The following FMN1 variants were observed in gnomAD, a reference collection of about 807,000 sequenced individuals.
FMN1 encodes the protein formin-1.
In FMN1, 110 loss-of-function variants were observed where a neutral mutation model predicts 132.4. The ratio of observed to expected loss-of-function variants is 0.83; its 90% confidence interval spans 0.71 to 0.97. FMN1 has a LOEUF of 0.97. Among genes scored for constraint, FMN1 ranks in the 50% least tolerant of loss-of-function variants. The probability of loss-of-function intolerance (pLI) is 0.00; values close to 1 mark genes in which losing one functional copy is unlikely to be tolerated. For synonymous variants in FMN1, 722 were observed against 651.7 expected, an observed-to-expected ratio of 1.11 and a Z score of -1.64; for missense variants, 1,792 against 1,705.3, an observed-to-expected ratio of 1.05 and a Z score of -0.90.
intron 17 of FMN1, among the ~76,000 whole-genome samples, chr15:32,826,160 C>A (rs1029644475): frequency 6.6e-6 from 1 of 152,188 alleles, no homozygotes; most frequent in Non-Finnish European, 1.5e-5. Flanking sequence ...CAGTGGGGTC[C>A]CTAGAGTGTT....
At chr15:33,116,317 A>G (rs1428597690) in intron 4 of FMN1, among the ~76,000 whole-genome samples, 5 of 152,190 alleles carry the variant, frequency 3.3e-5, no homozygotes, top group Admixed American at 3.3e-4. Context: ...TGCTTCATCC[A>G]AGGACAAGCT....
intron 2 of FMN1, among the ~76,000 whole-genome samples, chr15:33,185,024 G>A (rs1201477811): frequency 6.6e-6 from 1 of 152,158 alleles, no homozygotes; most frequent in Non-Finnish European, 1.5e-5. Context: ...CACGATACCA[G>A]ACTATGTCTA....
At chr15:32,927,544 C>T (rs1013191895) in intron 9 of FMN1, among the ~76,000 whole-genome samples, 1 of 152,206 alleles carries the variant, frequency 6.6e-6, no homozygotes, top group Non-Finnish European at 1.5e-5. Context: ...TAGGTGTGAG[C>T]CACCACACTT....
At chr15:32,942,251 G>A (rs1206113167) in intron 9 of FMN1, among the ~76,000 whole-genome samples, 2 of 152,150 alleles carry the variant, frequency 1.3e-5, no homozygotes, top group African/African-American at 2.4e-5. Context: ...TCACATATGT[G>A]AATTTTTTTA....
intron 4 of FMN1, among the ~76,000 whole-genome samples, chr15:33,121,514 T>C (rs535937339): frequency 1.3e-5 from 2 of 152,242 alleles, no homozygotes; most frequent in South Asian, 4.2e-4. Flanking sequence ...AAGTACATAG[T>C]TGACAAGTTG....
At chr15:33,021,035 G>GT (rs1420169305) in intron 6 of FMN1, among the ~76,000 whole-genome samples, 1 of 152,194 alleles carries the variant, frequency 6.6e-6, no homozygotes, top group African/African-American at 2.4e-5. Flanking sequence ...CTGACGTGAT[G>GT]TAAGGAGGGA....
chr15:32,896,589 G>C (rs347927), intron 15 of FMN1, among the ~76,000 whole-genome samples: 97,489 of 151,954 alleles, frequency 0.64, 32,817 homozygotes, highest in African/African-American at 0.86. Flanking sequence ...CCCCATTCCC[G>C]CATCATTCAT....
At chr15:32,933,394 C>A (rs113379121) in intron 9 of FMN1, among the ~76,000 whole-genome samples, 5 of 152,130 alleles carry the variant, frequency 3.3e-5, no homozygotes, top group East Asian at 1.9e-4. Context: ...TCTGACATAA[C>A]GTGTGACTTA....
At position 32,860,147 on chromosome 15, in the gene FMN1, AGAG is replaced by A. The variant is rs1426575910; in HGVS notation, c.3836-3043_3836-3041del. 4.7e-5 allele frequency among the ~76,000 whole-genome samples: 5 copies of A among 105,520 alleles called. No homozygotes were observed. The Admixed American group carries it at 4.9e-4, about 10-fold the overall frequency. The allele number at this position is 105,520 out of a possible 152,430, so 69.2% of individuals were successfully genotyped here. ...GAGAGAGACAAAGAGAGAAAGAAAA[AGAG>A]GAAGGAAGGAAGGAAAAGGAAAAAA... On this transcript the variant is annotated intron_variant, in intron 16 of 20. Transcript: ENST00000616417.
intron 13 of FMN1, among the ~76,000 whole-genome samples, chr15:32,901,133 A>G (rs999380109): frequency 6.6e-6 from 1 of 152,084 alleles, no homozygotes; most frequent in Non-Finnish European, 1.5e-5. Context: ...CAGCCTGGGC[A>G]AGAAGAATGA....
At chr15:32,919,648 GCACT>G (rs2060772393) in intron 10 of FMN1, among the ~76,000 whole-genome samples, 1 of 152,056 alleles carries the variant, frequency 6.6e-6, no homozygotes, top group Admixed American at 6.5e-5. Flanking sequence ...TGAGAAACAT[GCACT>G]CAAACTTTTT....
chr15:33,156,284 T>G lies in FMN1; in HGVS notation c.-131-1239A>C, dbSNP rs932160700. 3.9e-3 allele frequency among the ~76,000 whole-genome samples: 572 copies of G among 148,238 alleles called. 9 individuals are homozygous for G. Among genetic ancestry groups the G allele is most frequent in the African/African-American group, 0.014 (545 of 40,114 alleles). On this transcript the variant is annotated intron_variant, in intron 3 of 20. Coordinates refer to ENST00000616417, the MANE Select transcript of FMN1 (RefSeq NM_001277313.2). Reference sequence around the variant, plus strand: ...TTCTCACTCAAGTAGTTTTTTTTTTTTTTTTTTTTTTTTTTAGATGGGTTC... The same window carrying G: ...TTCTCACTCAAGTAGTTTTTTTTTTGTTTTTTTTTTTTTTTAGATGGGTTC...
intron 4 of FMN1, among the ~76,000 whole-genome samples, chr15:33,112,805 T>C (rs535519822): frequency 6.6e-6 from 1 of 152,168 alleles, no homozygotes; most frequent in South Asian, 2.1e-4. Flanking sequence ...GTGGTGTGGG[T>C]AAATGGCAAG....
intron 10 of FMN1, among the ~76,000 whole-genome samples, chr15:32,919,286 G>A (rs2060761649): frequency 1.3e-5 from 2 of 152,194 alleles, no homozygotes; most frequent in African/African-American, 4.8e-5. Flanking sequence ...ATCAACAATA[G>A]GAAAATGGTA....
chr15:33,117,935 G>C (rs551460873), intron 4 of FMN1, among the ~76,000 whole-genome samples: 1 of 152,090 alleles, frequency 6.6e-6, no homozygotes, highest in Admixed American at 6.6e-5. Flanking sequence ...GTGGCAGTAC[G>C]GAAGAGAAAT....
intron 6 of FMN1, among the ~76,000 whole-genome samples, chr15:33,033,037 G>GT (rs1351329328): frequency 1.3e-5 from 2 of 152,062 alleles, no homozygotes; most frequent in Non-Finnish European, 2.9e-5. Flanking sequence ...GTTTTCGTTT[G>GT]TTTTTTGTTT....
intron 9 of FMN1, among the ~76,000 whole-genome samples, chr15:32,961,133 C>G (rs1199384946): frequency 6.7e-6 from 1 of 149,142 alleles, no homozygotes; most frequent in Admixed American, 6.7e-5. Flanking sequence ...AGATATTGTT[C>G]ATCTTTTTTT....
intron 4 of FMN1, among the ~76,000 whole-genome samples, chr15:33,128,816 A>C (rs369140570): frequency 5.4e-4 from 83 of 152,338 alleles, no homozygotes; most frequent in African/African-American, 1.8e-3. Flanking sequence ...TCACGAGCAA[A>C]ATAACAAAGC....
rs12324752 is a variant in FMN1, at chr15:32,816,064, G to A, written c.3929-11732C>T. Among the ~76,000 whole-genome samples, 739 of 152,142 alleles carry A rather than the reference G, an allele frequency of 4.9e-3. 7 individuals carry two copies. The highest frequency in any genetic ancestry group is 0.017 in the African/African-American group (718 of 41,400). Reference sequence around the variant, plus strand: ...CTGGCACATTAGTTAAGTAAATACCGATTATGATAATGACTACCATCACTA... The same window carrying A: ...CTGGCACATTAGTTAAGTAAATACCAATTATGATAATGACTACCATCACTA... On this transcript the variant is annotated intron_variant, in intron 17 of 20. Transcript: ENST00000616417.
Sources: gnomAD v4.1 joint callset for allele counts (sites outside exome capture counted in the v4.1 genomes callset) on GRCh38, gnomAD v4.1.1 for gene constraint, MANE v1.5 for transcripts, NCBI Gene and HGNC (gene_info 2026-07-23, HGNC 2026-07-21) for gene names.